NEMP2: variants seen among roughly 807,000 people sequenced by gnomAD.
NEMP2 encodes the protein UPF0571 transmembrane protein.
A neutral mutation model predicts 54.2 loss-of-function variants in NEMP2; 53 were observed. The observed-to-expected ratio is 0.98, with a 90% CI of 0.78 to 1.23. The LOEUF is 1.23. Ranked by LOEUF, NEMP2 falls within the 50% of genes most tolerant of loss-of-function variation. NEMP2 has a pLI of 0.00. For synonymous variants in NEMP2, 197 were observed against 190.3 expected (o/e 1.04, Z -0.29); for missense variants, 455 against 511.3 (o/e 0.89, Z 1.06).
Position 190,534,470 on chromosome 2 carries a change from G to A in NEMP2, c.97+89C>T, listed in dbSNP as rs1406446336. Reference sequence around the variant, plus strand: ...CCGCCCCAGTGGGCCTCGCGGTGCCGCCCGGGCCAAAGAGCGCGCCCTCAG... The same window carrying A: ...CCGCCCCAGTGGGCCTCGCGGTGCCACCCGGGCCAAAGAGCGCGCCCTCAG... On this transcript the variant is annotated intron_variant, in intron 1 of 8. Transcript: ENST00000409150. The A allele has an allele frequency of 4.7e-6, 6 of 1,272,190 alleles. No homozygotes were observed. In the South Asian group the frequency reaches 1.1e-4, roughly 23 times the overall value. 78.8% of individuals were successfully genotyped at this position (1,272,190 alleles called of 1,614,324 possible). A position where few individuals can be genotyped will look rare whatever the true frequency, so the allele number is the denominator to read the frequency against.
the NEMP2 span, among the ~76,000 whole-genome samples, chr2:190,597,216 G>A: frequency 6.7e-6 from 1 of 149,278 alleles, no homozygotes; most frequent in African/African-American, 2.5e-5. This position sits in a 1 kb window ranked among gnomAD's most constrained non-coding sequence, Gnocchi z 4.7. Flanking sequence ...AGTGAGCCAT[G>A]ATCATGTCAC....
chr2:190,507,304 G>C lies in NEMP2; in HGVS notation c.*1885C>G, dbSNP rs1391784118. On this transcript the variant is annotated 3_prime_UTR_variant, in exon 9 of 9. Transcript: ENST00000409150. This position sits in a 1 kb window ranked among gnomAD's most constrained non-coding sequence, Gnocchi z 4.4. ...TTACACCTGGCTAGCTGCCCATGAA[G>C]AGCTGCTTCCTTCCCTCAGCAGTAC... The C allele has an allele frequency of 6.6e-6, 1 of 152,134 alleles. No homozygotes were observed. The highest frequency in any genetic ancestry group is 1.9e-4 in the East Asian group (1 of 5,180). 9.4% of individuals were successfully genotyped at this position (152,134 alleles called of 1,614,324 possible).
At chr2:190,621,970 G>A in the NEMP2 span, among the ~76,000 whole-genome samples, 2 of 152,146 alleles carry the variant, frequency 1.3e-5, no homozygotes, top group Admixed American at 6.5e-5. Flanking sequence ...AGCTGGGCAG[G>A]GTGGCATTCA....
the NEMP2 span, among the ~76,000 whole-genome samples, chr2:190,635,198 T>C: frequency 6.6e-6 from 1 of 152,144 alleles, no homozygotes. This position sits in a 1 kb window ranked among gnomAD's most constrained non-coding sequence, Gnocchi z 4.1. Context: ...TAGATAGAAA[T>C]ATATTCTACA....
At chr2:190,448,807 A>G in the NEMP2 span, among the ~76,000 whole-genome samples, 1 of 152,188 alleles carries the variant, frequency 6.6e-6, no homozygotes. Flanking sequence ...ATGGCAAAAT[A>G]TTCATAATTT....
chr2:190,591,844 A>T, the NEMP2 span, among the ~76,000 whole-genome samples: 2 of 152,150 alleles, frequency 1.3e-5, no homozygotes, highest in Non-Finnish European at 2.9e-5. This position sits in a 1 kb window ranked among gnomAD's most constrained non-coding sequence, Gnocchi z 5.4. Flanking sequence ...TTGAGTGTCT[A>T]CTATTTGCAG....
the NEMP2 span, among the ~76,000 whole-genome samples, chr2:190,605,283 C>T: frequency 1.2e-4 from 19 of 152,036 alleles, no homozygotes; most frequent in Non-Finnish European, 2.2e-4. Context: ...CTCCCCTGCC[C>T]GCCCCACTAT....
At chr2:190,534,907 G>GGCCTCA (rs199511907), upstream of NEMP2, 792 of 333,142 alleles carry the variant, frequency 2.4e-3, 11 homozygotes, top group African/African-American at 0.016. Flanking sequence ...GCATGCTCCC[G>GGCCTCA]GCCTCGGCCT....
chr2:190,574,522 T>C, the NEMP2 span, among the ~76,000 whole-genome samples: 63,099 of 151,688 alleles, frequency 0.42, 14,385 homozygotes, highest in Non-Finnish European at 0.52. Context: ...TTAATGACTT[T>C]TAATATATTC....
the NEMP2 span, among the ~76,000 whole-genome samples, chr2:190,469,282 G>A: frequency 6.6e-6 from 1 of 152,030 alleles, no homozygotes; most frequent in Non-Finnish European, 1.5e-5. This position sits in a 1 kb window ranked among gnomAD's most constrained non-coding sequence, Gnocchi z 5.3. Context: ...GGTATCTTGG[G>A]TATTATGAGC....
the NEMP2 span, among the ~76,000 whole-genome samples, chr2:190,498,992 A>G: frequency 6.6e-6 from 1 of 151,912 alleles, no homozygotes; most frequent in African/African-American, 2.4e-5. This position sits in a 1 kb window ranked among gnomAD's most constrained non-coding sequence, Gnocchi z 5.9. Context: ...TACTAAAAAT[A>G]TAAAAATTAG....
At chr2:190,585,782 A>G in the NEMP2 span, among the ~76,000 whole-genome samples, 2,535 of 152,220 alleles carry the variant, frequency 0.017, 75 homozygotes, top group African/African-American at 0.057. This position sits in a 1 kb window ranked among gnomAD's most constrained non-coding sequence, Gnocchi z 5.3. Flanking sequence ...CAGGCTGAGG[A>G]GCAGTCCAGG....
At chr2:190,463,115 G>C in the NEMP2 span, among the ~76,000 whole-genome samples, 1 of 152,216 alleles carries the variant, frequency 6.6e-6, no homozygotes, top group African/African-American at 2.4e-5. The surrounding 1 kb of genome is among the most constrained non-coding windows in gnomAD (Gnocchi z 4.4). Flanking sequence ...TATTCTGCTA[G>C]TGAGGGACAC....
chr2:190,481,896 G>T, the NEMP2 span, among the ~76,000 whole-genome samples: 1 of 152,186 alleles, frequency 6.6e-6, no homozygotes, highest in African/African-American at 2.4e-5. Context: ...AAGGTGTATT[G>T]CTGTTAGTAG....
the NEMP2 span, among the ~76,000 whole-genome samples, chr2:190,443,247 G>A: frequency 6.6e-6 from 1 of 152,212 alleles, no homozygotes; most frequent in African/African-American, 2.4e-5. The surrounding 1 kb of genome is among the most constrained non-coding windows in gnomAD (Gnocchi z 4.2). Flanking sequence ...AGCAGAGGCT[G>A]AGTCAGATTG....
At chr2:190,549,378 T>C in the NEMP2 span, among the ~76,000 whole-genome samples, 1 of 152,228 alleles carries the variant, frequency 6.6e-6, no homozygotes, top group African/African-American at 2.4e-5. Context: ...TTTTCATATA[T>C]TAGTTGGAAT....
chr2:190,590,367 C>G, the NEMP2 span, among the ~76,000 whole-genome samples: 4 of 152,176 alleles, frequency 2.6e-5, no homozygotes, highest in Non-Finnish European at 4.4e-5. The surrounding 1 kb of genome is among the most constrained non-coding windows in gnomAD (Gnocchi z 5.1). Flanking sequence ...TCTAAATGAT[C>G]TGAAGTCTGA....
chr2:190,600,422 G>A, the NEMP2 span, among the ~76,000 whole-genome samples: 1 of 152,126 alleles, frequency 6.6e-6, no homozygotes, highest in Non-Finnish European at 1.5e-5. The surrounding 1 kb of genome is among the most constrained non-coding windows in gnomAD (Gnocchi z 4.9). Context: ...ATTTGTCTTC[G>A]CCAAAACTCA....
At chr2:190,445,987 G>GA in the NEMP2 span, among the ~76,000 whole-genome samples, 12 of 152,062 alleles carry the variant, frequency 7.9e-5, no homozygotes, top group African/African-American at 2.9e-4. Context: ...GGTACGAGGG[G>GA]AAAAAAATAC....
Sources: gnomAD v4.1 joint callset for allele counts (sites outside exome capture counted in the v4.1 genomes callset) on GRCh38, gnomAD v4.1.1 for gene constraint, Gnocchi (gnomAD v3.1) non-coding constraint, MANE v1.5 for transcripts, NCBI Gene and HGNC (gene_info 2026-07-23, HGNC 2026-07-21) for gene names.